Variants in COBLL1 observed in about 807,000 individuals in gnomAD.
The protein encoded by COBLL1 is cordon-bleu WH2 repeat protein like 1, also known as cordon-bleu protein-like 1.
A neutral mutation model predicts 94.8 loss-of-function variants in COBLL1; 50 were observed. The observed-to-expected ratio is 0.53, with a 90% confidence interval of 0.42 to 0.67. COBLL1 has a LOEUF of 0.67. Among genes scored for constraint, COBLL1 ranks in the 30% least tolerant of loss-of-function variants. The probability of loss-of-function intolerance (pLI) is 0.00; values close to 1 mark genes in which losing one functional copy is unlikely to be tolerated. For synonymous variants in COBLL1, 448 were observed against 473.8 expected (o/e 0.95, Z 0.71); for missense variants, 1,362 against 1,348.7 (o/e 1.01, Z -0.15).
chr2:164,818,978 C>G (rs2105357470), intron 2 of COBLL1, among the ~76,000 whole-genome samples: 1 of 151,406 alleles, frequency 6.6e-6, no homozygotes, highest in African/African-American at 2.4e-5. Flanking sequence ...ATCATGTTAT[C>G]CAGACTGATC....
chr2:164,729,822 A>G, intron 4 of COBLL1, 92 bp downstream of exon 4: 1 of 1,117,924 alleles, frequency 8.9e-7, no homozygotes, highest in Non-Finnish European at 1.3e-6. Context: ...ATTCACATCA[A>G]ATTTAACCAG....
chr2:164,768,409 TTA>T (rs1477253978), intron 2 of COBLL1, among the ~76,000 whole-genome samples: 3 of 144,564 alleles, frequency 2.1e-5, no homozygotes, highest in African/African-American at 8.1e-5. Flanking sequence ...TCTTAAAACA[TTA>T]TGAGATTTTT....
intron 2 of COBLL1, among the ~76,000 whole-genome samples, chr2:164,774,790 CTAA>C (rs67233628): frequency 0.23 from 35,171 of 150,162 alleles, 4,727 homozygotes; most frequent in African/African-American, 0.37. Context: ...AGGATTGTGG[CTAA>C]TAATATTGTA....
chr2:164,754,094 G>A (rs1687272661), intron 2 of COBLL1, among the ~76,000 whole-genome samples: 3 of 152,038 alleles, frequency 2.0e-5, no homozygotes, highest in African/African-American at 7.2e-5. Context: ...TATTTCCAAT[G>A]AAAATATAAC....
chr2:164,707,150 A>AC (rs2105462050), intron 7 of COBLL1, among the ~76,000 whole-genome samples: 1 of 147,072 alleles, frequency 6.8e-6, no homozygotes, highest in South Asian at 2.2e-4. Context: ...CTCAAAAGTC[A>AC]TTTTTTTTTT....
At chr2:164,700,489 G>T (rs765589730) in intron 10 of COBLL1, 33 bp downstream of exon 10, 12 of 1,335,140 alleles carry the variant, frequency 9.0e-6, no homozygotes, top group Non-Finnish European at 1.3e-5. Flanking sequence ...TTAAACTAAC[G>T]GCCACCAACA....
chr2:164,670,847 T>C (rs1248989713), intron 1 of COBLL1, among the ~76,000 whole-genome samples: 1 of 152,140 alleles, frequency 6.6e-6, no homozygotes, highest in Non-Finnish European at 1.5e-5. Flanking sequence ...TTCTCAGAAC[T>C]CATGAGGAAT....
chr2:164,704,328 G>A (rs1040308264), intron 9 of COBLL1, 116 bp downstream of exon 9: 28 of 730,524 alleles, frequency 3.8e-5, no homozygotes, highest in Non-Finnish European at 5.6e-5. Context: ...TTTGGGAAAT[G>A]AGGCCAAAGA....
intron 3 of COBLL1, among the ~76,000 whole-genome samples, chr2:164,733,388 T>C (rs966523432): frequency 2.0e-5 from 3 of 152,198 alleles, no homozygotes; most frequent in Non-Finnish European, 4.4e-5. Context: ...GACTATATCA[T>C]GACCTTTGCA....
chr2:164,803,582 T>TA (rs145038455), intron 2 of COBLL1, among the ~76,000 whole-genome samples: 15,076 of 146,182 alleles, frequency 0.1, 869 homozygotes, highest in Middle Eastern at 0.16. Flanking sequence ...AATAAATAAA[T>TA]AAATAAAATA....
intron 2 of COBLL1, among the ~76,000 whole-genome samples, chr2:164,784,135 C>T (rs941025797): frequency 1.3e-5 from 2 of 152,302 alleles, no homozygotes; most frequent in Non-Finnish European, 2.9e-5. Context: ...CTTTCTCTCT[C>T]GTCTCATGGT....
chr2:164,826,450 G>T (rs1048269100), intron 2 of COBLL1, among the ~76,000 whole-genome samples: 1 of 152,132 alleles, frequency 6.6e-6, no homozygotes, highest in Non-Finnish European at 1.5e-5. Context: ...CATCACAGTC[G>T]CCTGTTTTCT....
At chr2:164,794,529 C>T (rs1042307419) in intron 2 of COBLL1, among the ~76,000 whole-genome samples, 7 of 151,944 alleles carry the variant, frequency 4.6e-5, no homozygotes, top group African/African-American at 1.7e-4. Flanking sequence ...GCAGACACAC[C>T]TCTGAAGAGT....
At chr2:164,792,416 C>T (rs1683237292) in intron 2 of COBLL1, among the ~76,000 whole-genome samples, 1 of 152,072 alleles carries the variant, frequency 6.6e-6, no homozygotes, top group Non-Finnish European at 1.5e-5. Flanking sequence ...GGAGGTCCAA[C>T]TCCACTGGAC....
In COBLL1 at chr2:164,722,449, T is replaced by C. The variant is rs755011052; in HGVS notation, c.735A>G (p.Gln245=). The C allele has an allele frequency of 8.5e-6, 13 of 1,527,836 alleles. No homozygotes were observed. The East Asian group carries it at 2.3e-4, about 27-fold the overall frequency. The allele number at this position is 1,527,836 out of a possible 1,614,324, so 94.6% of individuals were successfully genotyped here. Residue 245 remains glutamine, a synonymous_variant, in exon 6 of 14, where the codon CAA becomes CAG. Coordinates refer to ENST00000652658, the MANE Select transcript of COBLL1 (RefSeq NM_001365672.2). The part of the protein sequence containing the change: ...KENKGFFSFF[Q]RSKKKRDQTA... ...CTTGGTCTCGCTTTTTCTTACTGCG[T>C]TGAAAAAAACTGAAAAACCCTTTAT...
chr2:164,740,473 C>A (rs1489400768), intron 3 of COBLL1, among the ~76,000 whole-genome samples: 1 of 152,198 alleles, frequency 6.6e-6, no homozygotes, highest in Non-Finnish European at 1.5e-5. Context: ...CTACCTTGCT[C>A]TCTGCCTGGA....
chr2:164,707,254 C>A (rs1345382973), intron 7 of COBLL1, among the ~76,000 whole-genome samples: 2 of 152,076 alleles, frequency 1.3e-5, no homozygotes, highest in Admixed American at 1.3e-4. Flanking sequence ...GATTCTCATG[C>A]CTCAGCCTCC....
At chr2:164,823,663 G>A (rs1045515670) in intron 2 of COBLL1, among the ~76,000 whole-genome samples, 4 of 152,092 alleles carry the variant, frequency 2.6e-5, no homozygotes, top group African/African-American at 7.2e-5. Context: ...ATGACTTCTC[G>A]TTTTTTCCCC....
chr2:164,807,185 C>A (rs1428421300), intron 2 of COBLL1, among the ~76,000 whole-genome samples: 1 of 152,098 alleles, frequency 6.6e-6, no homozygotes, highest in Non-Finnish European at 1.5e-5. Flanking sequence ...GTGGCTCACA[C>A]CTGTAATCCC....
Sources: allele counts gnomAD v4.1 joint callset (sites outside exome capture counted in the v4.1 genomes callset), GRCh38; gene constraint gnomAD v4.1.1; transcripts MANE v1.5; gene names NCBI Gene and HGNC (gene_info 2026-07-23, HGNC 2026-07-21).